SGCG: variants seen among roughly 807,000 people sequenced by gnomAD.
The protein encoded by SGCG is sarcoglycan gamma, also known as gamma-sarcoglycan.
A neutral mutation model predicts 29.3 loss-of-function variants in SGCG; 26 were observed. The observed-to-expected ratio is 0.89, with a 90% CI of 0.65 to 1.23. The LOEUF (loss-of-function observed/expected upper bound fraction) is 1.23. Among genes scored for constraint, SGCG ranks in the 50% most tolerant of loss-of-function variants. SGCG has a pLI of 0.00. For missense variants in SGCG, 353 were observed against 356.0 expected (o/e 0.99, Z 0.07); for synonymous variants, 145 against 129.7 (o/e 1.12, Z -0.80).
chr13:23,171,094 A>G, the SGCG span, among the ~76,000 whole-genome samples: 5 of 152,218 alleles, frequency 3.3e-5, no homozygotes, highest in East Asian at 7.7e-4. Flanking sequence ...TCTTTATCGT[A>G]TCAGGCATAT....
intron 5 of SGCG, among the ~76,000 whole-genome samples, chr13:23,283,849 G>T (rs1881398438): frequency 6.6e-6 from 1 of 152,120 alleles, no homozygotes; most frequent in South Asian, 2.1e-4. Context: ...ATCTGTACAG[G>T]ATTTTATTTC....
chr13:23,215,211 G>A (rs1054523686), intron 2 of SGCG, among the ~76,000 whole-genome samples: 5 of 152,192 alleles, frequency 3.3e-5, no homozygotes, highest in African/African-American at 1.2e-4. Flanking sequence ...TCCTGTCACA[G>A]GGAATATTCT....
the SGCG span, among the ~76,000 whole-genome samples, chr13:23,170,283 C>T: frequency 2.0e-5 from 3 of 152,186 alleles, no homozygotes; most frequent in Non-Finnish European, 4.4e-5. Flanking sequence ...CCAAACCCTT[C>T]ATTTCTTCCT....
upstream of SGCG, among the ~76,000 whole-genome samples, chr13:23,180,215 A>G (rs894097662): frequency 6.6e-6 from 1 of 152,210 alleles, no homozygotes; most frequent in South Asian, 2.1e-4. Flanking sequence ...AAATATTAAA[A>G]TTATTCAGAA....
At chr13:23,208,943 T>C (rs1297860871) in intron 2 of SGCG, among the ~76,000 whole-genome samples, 1 of 152,136 alleles carries the variant, frequency 6.6e-6, no homozygotes, top group Non-Finnish European at 1.5e-5. Flanking sequence ...TTTTTAATGA[T>C]ATTGATTTTT....
Position 23,203,750 on chromosome 13 carries a change from A to G in SGCG, c.56A>G (p.Glu19Gly), listed in dbSNP as rs765392154. ...ATEGICIERPENQYVYKIGIY... is the reference protein window; with the variant it reads ...ATEGICIERPGNQYVYKIGIY... Reference sequence around the variant, plus strand: ...GAAGGCATCTGCATAGAGAGGCCAGAGAATCAGTATGTCTACAAAATTGGC... The same window carrying G: ...GAAGGCATCTGCATAGAGAGGCCAGGGAATCAGTATGTCTACAAAATTGGC... Residue 19 changes from glutamate (E) to glycine (G), a missense_variant, in exon 2 of 8, where the codon GAG becomes GGG. Transcript: ENST00000218867. 3 of 1,614,106 alleles carry G rather than the reference A, an allele frequency of 1.9e-6. No individual in the cohort carries two copies. The highest frequency in any genetic ancestry group is 2.5e-6 in the Non-Finnish European group (3 of 1,179,960).
At chr13:23,254,118 G>A (rs968181705) in intron 4 of SGCG, among the ~76,000 whole-genome samples, 1 of 152,188 alleles carries the variant, frequency 6.6e-6, no homozygotes, top group East Asian at 1.9e-4. Flanking sequence ...GATACCTGAA[G>A]GTGTGGAAGC....
rs1877778145 is a variant in SGCG, at chr13:23,201,775, A to G, written c.1-1920A>G. Reference sequence around the variant, plus strand: ...AATATACTCACATGTGTTCTTAGAAAACTTTGCTAGTTGTATTCACCTGTA... The same window carrying G: ...AATATACTCACATGTGTTCTTAGAAGACTTTGCTAGTTGTATTCACCTGTA... On this transcript the variant is annotated intron_variant, in intron 1 of 7. Transcript: ENST00000218867. Among the ~76,000 whole-genome samples the G allele has an allele frequency of 2.0e-5, 3 of 152,186 alleles. No homozygotes were observed. In the South Asian group the frequency reaches 6.2e-4, roughly 32 times the overall value.
the SGCG span, among the ~76,000 whole-genome samples, chr13:23,164,634 A>G: frequency 3.9e-5 from 6 of 152,172 alleles, no homozygotes; most frequent in African/African-American, 1.4e-4. Flanking sequence ...CAGAAGGGAA[A>G]TAGGAACTGG....
chr13:23,209,303 T>C (rs780721087), intron 2 of SGCG, among the ~76,000 whole-genome samples: 1 of 152,186 alleles, frequency 6.6e-6, no homozygotes, highest in Non-Finnish European at 1.5e-5. Context: ...TAATTCATTT[T>C]GGAAACTAGC....
chr13:23,167,316 A>G, the SGCG span, among the ~76,000 whole-genome samples: 1 of 152,138 alleles, frequency 6.6e-6, no homozygotes, highest in African/African-American at 2.4e-5. Context: ...CTGTTGATGA[A>G]TATAGGTTGC....
intron 5 of SGCG, among the ~76,000 whole-genome samples, chr13:23,284,964 T>C (rs1490596128): frequency 2.0e-5 from 3 of 152,210 alleles, no homozygotes; most frequent in African/African-American, 7.2e-5. Flanking sequence ...GACTGCTACT[T>C]GTTCCTTCCT....
chr13:23,194,852 T>C (rs1593166031), intron 1 of SGCG, among the ~76,000 whole-genome samples: 1 of 152,000 alleles, frequency 6.6e-6, no homozygotes, highest in African/African-American at 2.4e-5. Context: ...TATAACAGTA[T>C]ACAGAAGAAA....
the SGCG span, among the ~76,000 whole-genome samples, chr13:23,169,242 C>T: frequency 1.3e-4 from 19 of 151,960 alleles, no homozygotes; most frequent in African/African-American, 2.9e-4. Flanking sequence ...CCTGTAAGTT[C>T]GGTTTGCATG....
Position 23,203,826 on chromosome 13 carries a change from C to G in SGCG, c.132C>G (p.Leu44=), listed in dbSNP as rs1388740922. Residue 44 remains leucine (L), a synonymous_variant, in exon 2 of 8, where the codon CTC becomes CTG. Transcript: ENST00000218867. ...RCLYLFVLLL[L]IILVVNLALT... Reference sequence around the variant, plus strand: ...TCTACTTGTTTGTTCTTCTTTTACTCATCATCCTCGTTGTGAATTTAGCTC... The same window carrying G: ...TCTACTTGTTTGTTCTTCTTTTACTGATCATCCTCGTTGTGAATTTAGCTC... 6.2e-7 allele frequency: 1 copy of G among 1,613,996 alleles called. No individual in the cohort carries two copies. Among genetic ancestry groups the G allele is most frequent in the Non-Finnish European group, 8.5e-7 (1 of 1,179,870 alleles).
chr13:23,302,437 C>T (rs943709012), intron 6 of SGCG, among the ~76,000 whole-genome samples: 1 of 151,940 alleles, frequency 6.6e-6, no homozygotes, highest in African/African-American at 2.4e-5. Flanking sequence ...AATTTTGTAT[C>T]TATTAGCCAG....
chr13:23,183,005 C>A (rs1876805334), intron 1 of SGCG, among the ~76,000 whole-genome samples: 1 of 152,172 alleles, frequency 6.6e-6, no homozygotes, highest in African/African-American at 2.4e-5. Context: ...TTTTAAAATG[C>A]TCAATTAATT....
intron 2 of SGCG, among the ~76,000 whole-genome samples, chr13:23,221,500 A>G (rs1395914531): frequency 6.6e-6 from 1 of 152,214 alleles, no homozygotes; most frequent in Non-Finnish European, 1.5e-5. Flanking sequence ...GGTGGATCTT[A>G]GAGCTGCCAG....
chr13:23,213,049 G>C (rs1316591153), intron 2 of SGCG, among the ~76,000 whole-genome samples: 1 of 152,192 alleles, frequency 6.6e-6, no homozygotes, highest in Non-Finnish European at 1.5e-5. Flanking sequence ...ACAACACACG[G>C]AAACTTTCTG....
Sources: allele counts gnomAD v4.1 joint callset (sites outside exome capture counted in the v4.1 genomes callset), GRCh38; gene constraint gnomAD v4.1.1; transcripts MANE v1.5; gene names NCBI Gene and HGNC (gene_info 2026-07-23, HGNC 2026-07-21).